PDE11A: variants seen among roughly 807,000 people sequenced by gnomAD.
PDE11A encodes dual 3',5'-cyclic-AMP and -GMP phosphodiesterase 11A.
In PDE11A, 100 loss-of-function variants were observed where a neutral mutation model predicts 100.5. That is an observed-to-expected ratio of 1.00 (90% CI 0.85 to 1.18). The LOEUF is 1.18. PDE11A is among the 50% of genes most tolerant of loss of function. PDE11A has a pLI of 0.00. For synonymous variants in PDE11A, 381 were observed against 420.8 expected (o/e 0.91, Z 1.16); for missense variants, 1,141 against 1,152.6 (o/e 0.99, Z 0.15).
intron 10 of PDE11A, among the ~76,000 whole-genome samples, chr2:177,750,336 T>G (rs2082009252): frequency 6.6e-6 from 1 of 152,254 alleles, no homozygotes; most frequent in East Asian, 1.9e-4. Flanking sequence ...CTTTGAAATA[T>G]ACATTACTGT....
At chr2:177,687,612 T>C (rs2080972727) in intron 15 of PDE11A, 1 of 152,224 alleles carries the variant, frequency 6.6e-6, no homozygotes, top group Admixed American at 6.5e-5. Flanking sequence ...TATTTCTTGC[T>C]ATTACATACA....
intron 19 of PDE11A, among the ~76,000 whole-genome samples, chr2:177,655,962 T>C (rs958719096): frequency 3.9e-5 from 6 of 152,334 alleles, no homozygotes; most frequent in African/African-American, 1.4e-4. Context: ...CTGGCAATGC[T>C]GGATAAAAGA....
intron 2 of PDE11A, among the ~76,000 whole-genome samples, chr2:178,092,739 T>C (rs574395204): frequency 2.4e-4 from 36 of 152,226 alleles, no homozygotes; most frequent in African/African-American, 8.2e-4. Flanking sequence ...TAGCTGGGAT[T>C]ACAGGCATGC....
intron 15 of PDE11A, chr2:177,687,206 T>C (rs2105516031): frequency 6.6e-6 from 1 of 152,274 alleles, no homozygotes; most frequent in South Asian, 2.1e-4. Context: ...TACATAGAGT[T>C]TCCATCTACC....
intron 5 of PDE11A, among the ~76,000 whole-genome samples, chr2:177,851,395 G>A (rs941344323): frequency 3.9e-5 from 6 of 151,924 alleles, no homozygotes; most frequent in Non-Finnish European, 8.8e-5. Flanking sequence ...TGGGGTGGGG[G>A]GATCGGGGAG....
Position 177,704,499 on chromosome 2 carries a change from C to T in PDE11A, c.2154-3288G>A, listed in dbSNP as rs2105547418. On this transcript the variant is annotated intron_variant, in intron 13 of 19. Transcript: ENST00000286063. ...GGCCAAGGCCCATTAGGAATGCTGC[C>T]TGTATCTGCTGTTACACACTGGGAA... Among the ~76,000 whole-genome samples the T allele has an allele frequency of 2.0e-5, 3 of 152,130 alleles. No homozygotes were observed. The South Asian group carries it at 6.2e-4, about 32-fold the overall frequency.
At chr2:178,068,769 A>G (rs1309143478) in intron 1 of PDE11A, among the ~76,000 whole-genome samples, 7 of 152,230 alleles carry the variant, frequency 4.6e-5, no homozygotes, top group Non-Finnish European at 1.0e-4. Flanking sequence ...GGAAAATGCT[A>G]GAACTGGGGA....
At chr2:178,050,128 C>T (rs191568599) in intron 1 of PDE11A, among the ~76,000 whole-genome samples, 34 of 152,200 alleles carry the variant, frequency 2.2e-4, no homozygotes, top group Middle Eastern at 3.4e-3. Flanking sequence ...CCTCATACGG[C>T]CAGGTGCCCC....
Position 178,072,502 on chromosome 2 carries a change from T to C in PDE11A, c.-65A>G. Reference sequence around the variant, plus strand: ...AAATGTTTTCCTGCCCCGAGGCCTCTAGCTGTTCCTGCACATGTTCACCCC... The same window carrying C: ...AAATGTTTTCCTGCCCCGAGGCCTCCAGCTGTTCCTGCACATGTTCACCCC... On this transcript the variant is annotated 5_prime_UTR_variant, in exon 1 of 20. An upstream open reading frame in the 5' UTR loses its in-frame stop. Transcript: ENST00000286063. 1.3e-6 allele frequency: 2 copies of C among 1,599,210 alleles called. No individual in the cohort carries two copies. Among genetic ancestry groups the C allele is most frequent in the South Asian group, 2.2e-5 (2 of 89,892 alleles).
chr2:177,685,598 G>A lies in PDE11A; in HGVS notation c.2346-4695C>T, dbSNP rs192926429. On this transcript the variant is annotated intron_variant, in intron 15 of 19. Coordinates refer to ENST00000286063, the MANE Select transcript of PDE11A (RefSeq NM_016953.4). ...GAGTTTCGCTCTTGTTGAGTAGGCT[G>A]GAGTGCAATGTCGCGATCTTGGCTC... Among the ~76,000 whole-genome samples the A allele has an allele frequency of 2.4e-3, 360 of 152,012 alleles. 4 individuals are homozygous for A. Among genetic ancestry groups the A allele is most frequent in the African/African-American group, 8.4e-3 (350 of 41,430 alleles).
chr2:177,758,806 C>A (rs535502807), intron 10 of PDE11A, among the ~76,000 whole-genome samples: 8 of 152,208 alleles, frequency 5.3e-5, no homozygotes, highest in Admixed American at 4.6e-4. Context: ...AGGCTTTGTT[C>A]TTAAGGCTAA....
At chr2:177,752,544 C>T (rs977677086) in intron 10 of PDE11A, among the ~76,000 whole-genome samples, 8 of 152,216 alleles carry the variant, frequency 5.3e-5, no homozygotes, top group African/African-American at 1.7e-4. Context: ...CCATTAGACG[C>T]ATATACCCAA....
chr2:178,052,229 A>C (rs2086838018), intron 1 of PDE11A, among the ~76,000 whole-genome samples: 1 of 152,230 alleles, frequency 6.6e-6, no homozygotes, highest in Non-Finnish European at 1.5e-5. Flanking sequence ...CTGCTCAACT[A>C]CATGGAAACT....
At chr2:177,821,558 C>G (rs2083139861) in intron 6 of PDE11A, among the ~76,000 whole-genome samples, 1 of 151,778 alleles carries the variant, frequency 6.6e-6, no homozygotes, top group Non-Finnish European at 1.5e-5. Context: ...TTGCAAAGTA[C>G]TTGTACCAAT....
At chr2:177,942,000 G>A (rs1237800508) in intron 2 of PDE11A, among the ~76,000 whole-genome samples, 2 of 152,170 alleles carry the variant, frequency 1.3e-5, no homozygotes, top group Non-Finnish European at 2.9e-5. Flanking sequence ...CTACGGAGCA[G>A]GACTTCATAC....
chr2:177,991,606 G>T (rs2086005417), intron 2 of PDE11A, among the ~76,000 whole-genome samples: 1 of 151,136 alleles, frequency 6.6e-6, no homozygotes, highest in Non-Finnish European at 1.5e-5. Flanking sequence ...CTGCACTCCA[G>T]CCTGGGCAAC....
At chr2:177,685,656 T>A (rs866655965) in intron 15 of PDE11A, among the ~76,000 whole-genome samples, 2 of 152,050 alleles carry the variant, frequency 1.3e-5, no homozygotes, top group African/African-American at 2.4e-5. Context: ...CCTCCTGGGT[T>A]CTCCTGGGTT....
In PDE11A at chr2:177,916,228, A is replaced by G. The variant is rs541062442; in HGVS notation, c.1072-11041T>C. The stretch of plus-strand genomic sequence containing the variant: ...AAGCATTTATTTATTTCTACAATAT[A>G]AGAATATTACAAAATAAAGTGGGTT... On this transcript the variant is annotated intron_variant, in intron 2 of 19. Coordinates refer to ENST00000286063, the MANE Select transcript of PDE11A (RefSeq NM_016953.4). 1.9e-4 allele frequency among the ~76,000 whole-genome samples: 29 copies of G among 152,332 alleles called. No individual in the cohort carries two copies. The East Asian group carries it at 2.5e-3, about 13-fold the overall frequency.
chr2:177,796,772 A>C (rs2082713352), intron 9 of PDE11A, among the ~76,000 whole-genome samples: 1 of 152,224 alleles, frequency 6.6e-6, no homozygotes, highest in African/African-American at 2.4e-5. Context: ...AAGAGAAGCC[A>C]GCAGGCAAAG....
Sources: gnomAD v4.1 joint callset for allele counts (sites outside exome capture counted in the v4.1 genomes callset) on GRCh38, gnomAD v4.1.1 for gene constraint, MANE v1.5 for transcripts, NCBI Gene and HGNC (gene_info 2026-07-23, HGNC 2026-07-21) for gene names.